Variants in PAX7 observed in about 807,000 individuals in gnomAD.
PAX7 encodes the protein paired box protein Pax-7.
In PAX7, 18 loss-of-function variants were observed where a neutral mutation model predicts 50.7. That is an observed-to-expected ratio of 0.36 (90% confidence interval 0.25 to 0.53). PAX7 has a LOEUF of 0.53. Among genes scored for constraint, PAX7 ranks in the 20% least tolerant of loss-of-function variants. The pLI, the probability that PAX7 is intolerant of heterozygous loss-of-function variation, is 0.93. For missense variants in PAX7, 644 were observed against 702.9 expected (o/e 0.92, Z 0.95); for synonymous variants, 310 against 290.4 (o/e 1.07, Z -0.69).
intron 4 of PAX7, among the ~76,000 whole-genome samples, chr1:18,656,545 T>C (rs2088525296): frequency 6.6e-6 from 1 of 151,956 alleles, no homozygotes; most frequent in Non-Finnish European, 1.5e-5. Context: ...TTTAGCACTT[T>C]GAAATTTGGA....
intron 7 of PAX7, among the ~76,000 whole-genome samples, chr1:18,723,683 A>G (rs1429376131): frequency 6.6e-6 from 1 of 152,240 alleles, no homozygotes; most frequent in Non-Finnish European, 1.5e-5. Context: ...GGGAGAGAAG[A>G]GAGAAAGGCT....
intron 8 of PAX7, among the ~76,000 whole-genome samples, chr1:18,742,728 C>T (rs537459325): frequency 6.6e-6 from 1 of 152,320 alleles, no homozygotes; most frequent in African/African-American, 2.4e-5. Flanking sequence ...ACTTAACTTT[C>T]CTCTCATCAC....
intron 5 of PAX7, among the ~76,000 whole-genome samples, chr1:18,699,621 C>T (rs1292171374): frequency 1.3e-5 from 2 of 150,188 alleles, no homozygotes; most frequent in African/African-American, 2.5e-5. Context: ...AGTGCAGTGG[C>T]GTGATCTCAG....
At chr1:18,639,755 C>A (rs2088220737) in intron 4 of PAX7, among the ~76,000 whole-genome samples, 1 of 152,014 alleles carries the variant, frequency 6.6e-6, no homozygotes, top group Non-Finnish European at 1.5e-5. Context: ...AAGAAATAAG[C>A]AATAGTATAA....
At chr1:18,675,150 G>T (rs2088806939) in intron 4 of PAX7, among the ~76,000 whole-genome samples, 1 of 152,064 alleles carries the variant, frequency 6.6e-6, no homozygotes, top group Admixed American at 6.5e-5. Flanking sequence ...TGATTGTGAG[G>T]GTTCTATGAA....
chr1:18,689,539 G>A (rs4920526), intron 4 of PAX7, among the ~76,000 whole-genome samples: 103 of 152,264 alleles, frequency 6.8e-4, no homozygotes, highest in Non-Finnish European at 1.1e-3. Context: ...CCATTCCTTC[G>A]CTGTGTGGCA....
At chr1:18,719,094 C>T (rs1305705282) in intron 7 of PAX7, among the ~76,000 whole-genome samples, 1 of 152,214 alleles carries the variant, frequency 6.6e-6, no homozygotes, top group Non-Finnish European at 1.5e-5. Context: ...TGCTCCTGCA[C>T]ACTTTCACTG....
intron 4 of PAX7, among the ~76,000 whole-genome samples, chr1:18,679,087 C>T (rs2088862062): frequency 6.6e-6 from 1 of 152,210 alleles, no homozygotes. Flanking sequence ...AGCACACCAG[C>T]AGCGGTTTGA....
At chr1:18,732,303 G>A (rs1429356618) in intron 7 of PAX7, among the ~76,000 whole-genome samples, 1 of 152,230 alleles carries the variant, frequency 6.6e-6, no homozygotes, top group Non-Finnish European at 1.5e-5. Context: ...TGTCCCCAGT[G>A]CCTGGCTTAG....
intron 4 of PAX7, among the ~76,000 whole-genome samples, chr1:18,654,202 C>G (rs547962125): frequency 3.3e-4 from 50 of 152,076 alleles, no homozygotes; most frequent in African/African-American, 7.5e-4. Flanking sequence ...GCCCTCCCCC[C>G]ACCCGCCAGC....
intron 6 of PAX7, among the ~76,000 whole-genome samples, chr1:18,701,372 G>A (rs961545160): frequency 6.6e-6 from 1 of 151,858 alleles, no homozygotes; most frequent in African/African-American, 2.4e-5. Context: ...GTATGAGTGA[G>A]TGAATGAGTG....
At chr1:18,712,560 G>A (rs2100348272) in intron 7 of PAX7, among the ~76,000 whole-genome samples, 1 of 152,334 alleles carries the variant, frequency 6.6e-6, no homozygotes, top group Middle Eastern at 3.4e-3. Flanking sequence ...TGCTGCTGAG[G>A]GGAGTGGAGC....
chr1:18,691,788 G>C lies in PAX7; in HGVS notation c.621G>C (p.Ser207=). The change falls in exon 5 of 9, where the codon TCG becomes TCC. Residue 207 remains serine, a synonymous_variant. Transcript: ENST00000420770. ...NRLDEGSDVE[S]EPDLPLKRKQ... ...TGGACGAGGGCTCGGATGTGGAGTC[G>C]GAACCTGACCTCCCACTGAAGCGCA... The C allele has an allele frequency of 1.2e-6, 2 of 1,601,374 alleles. No homozygotes were observed. The highest frequency in any genetic ancestry group is 1.7e-6 in the Non-Finnish European group (2 of 1,174,464).
At position 18,683,568 on chromosome 1, in the gene PAX7, G is replaced by A. The variant is rs538458440; in HGVS notation, c.587-8186G>A. On this transcript the variant is annotated intron_variant, in intron 4 of 8. Coordinates refer to ENST00000420770, the MANE Select transcript of PAX7 (RefSeq NM_001135254.2). ...TCAAGAATGCCCATTGGCCGGGTGC[G>A]GTGGCTCATGCCTGTAATCCCAGCA... Among the ~76,000 whole-genome samples the A allele has an allele frequency of 4.7e-4, 72 of 152,318 alleles. 1 individual carries two copies. The highest frequency in any genetic ancestry group is 1.5e-4 in the Non-Finnish European group (10 of 68,024).
At chr1:18,687,648 C>T (rs956057075) in intron 4 of PAX7, among the ~76,000 whole-genome samples, 2 of 152,144 alleles carry the variant, frequency 1.3e-5, no homozygotes, top group South Asian at 4.2e-4. Flanking sequence ...GGGTTGAAGT[C>T]ACAAACAAAC....
chr1:18,670,126 A>G (rs2088722834), intron 4 of PAX7, among the ~76,000 whole-genome samples: 1 of 151,416 alleles, frequency 6.6e-6, no homozygotes. Context: ...CTCCTGGTAC[A>G]TAGGAAGCAC....
intron 7 of PAX7, among the ~76,000 whole-genome samples, chr1:18,707,415 C>CTTTTTTTTTTTTTTTTTTTTTT (rs60914648): frequency 3.6e-5 from 1 of 28,066 alleles, no homozygotes; most frequent in Non-Finnish European, 7.5e-5. Flanking sequence ...TTTTTTCTTT[C>CTTTTTTTTTTTTTTTTTTTTTT]TTTTTTTTTT....
intron 5 of PAX7, among the ~76,000 whole-genome samples, chr1:18,697,373 T>A (rs1397109090): frequency 6.6e-6 from 1 of 152,226 alleles, no homozygotes; most frequent in Non-Finnish European, 1.5e-5. Flanking sequence ...TACGAGACGC[T>A]GGCAGAGACC....
rs190114700 is a variant in PAX7 at position 18,728,097 on chromosome 1, G to A, written c.1156-7535G>A. On this transcript the variant is annotated intron_variant, in intron 7 of 8. Transcript: ENST00000420770. Reference sequence around the variant, plus strand: ...AGTGTGGGGCTGGGAACAGGCAGCCGCCAGTAGGGGCATGCGTGTGTCTGG... The same window carrying A: ...AGTGTGGGGCTGGGAACAGGCAGCCACCAGTAGGGGCATGCGTGTGTCTGG... Among the ~76,000 whole-genome samples, 20 of 152,314 alleles carry A rather than the reference G, an allele frequency of 1.3e-4. 1 individual carries two copies. Among genetic ancestry groups the A allele is most frequent in the East Asian group, 1.2e-3 (6 of 5,182 alleles).
Sources: allele counts gnomAD v4.1 joint callset (sites outside exome capture counted in the v4.1 genomes callset), GRCh38; gene constraint gnomAD v4.1.1; transcripts MANE v1.5; gene names NCBI Gene and HGNC (gene_info 2026-07-23, HGNC 2026-07-21).